Variants in CDHR2 observed in about 807,000 individuals in gnomAD.
The protein encoded by CDHR2 is cadherin related family member 2, also known as cadherin-related family member 2.
Under a neutral mutation model 138.6 loss-of-function variants are expected in CDHR2, and 104 were observed. The observed-to-expected ratio is 0.75, with a 90% confidence interval of 0.64 to 0.88. CDHR2 has a LOEUF of 0.88. Among genes scored for constraint, CDHR2 ranks in the 40% least tolerant of loss-of-function variants. The pLI, the probability that CDHR2 is intolerant of heterozygous loss-of-function variation, is 0.00. For missense variants in CDHR2, 1,624 were observed against 1,727.6 expected (o/e 0.94, Z 1.06); for synonymous variants, 755 against 742.8 (o/e 1.02, Z -0.27).
chr5:176,592,482 ATGGTGATGGTGG>A (rs1250511050), intron 30 of CDHR2, among the ~76,000 whole-genome samples: 2 of 130,196 alleles, frequency 1.5e-5, no homozygotes, highest in Non-Finnish European at 3.3e-5. Flanking sequence ...TGTTGAGGTG[ATGGTGATGGTGG>A]TGGTGATAGT....
At position 176,576,454 on chromosome 5, in the gene CDHR2, G is replaced by A. The variant is rs1758385016; in HGVS notation, c.1194+269G>A. On this transcript the variant is annotated intron_variant, in intron 12 of 31. Coordinates refer to ENST00000261944, the MANE Select transcript of CDHR2 (RefSeq NM_017675.6). This position sits in a 1 kb window ranked among gnomAD's most constrained non-coding sequence, Gnocchi z 4.5. ...GATGCTGAGTAGAACATCATTGTCCGTGGTGATGGGTGGCTGGCGAGGTCT... is the reference window on the plus strand; with the variant it reads ...GATGCTGAGTAGAACATCATTGTCCATGGTGATGGGTGGCTGGCGAGGTCT... 6.6e-6 allele frequency among the ~76,000 whole-genome samples: 1 copy of A among 152,116 alleles called. No homozygotes were observed. The highest frequency in any genetic ancestry group is 2.4e-5 in the African/African-American group (1 of 41,402).
rs769245179 is a variant in CDHR2 at position 176,577,716 on chromosome 5, G to A, written c.1430G>A (p.Arg477Lys). Residue 477 changes from arginine (R) to lysine (K), a missense_variant, in exon 14 of 32, where the codon AGG becomes AAG. Physicochemically the swap from Arg to Lys is conservative, Grantham distance 26. Coordinates refer to ENST00000261944, the MANE Select transcript of CDHR2 (RefSeq NM_017675.6). The part of the protein sequence containing the change: ...TIHLRDINDH[R>K]PTFPQSLYVL... ...CACCTTAGAGACATTAATGACCACA[G>A]GCCCACGTTTCCCCAGAGCTTGTAC... 6 of 1,614,224 alleles carry A rather than the reference G, an allele frequency of 3.7e-6. No individual in the cohort carries two copies. Among genetic ancestry groups the A allele is most frequent in the Non-Finnish European group, 5.1e-6 (6 of 1,180,038 alleles).
At chr5:176,570,904 T>G (rs1758210447) in intron 5 of CDHR2, among the ~76,000 whole-genome samples, 1 of 149,438 alleles carries the variant, frequency 6.7e-6, no homozygotes, top group Non-Finnish European at 1.5e-5. Flanking sequence ...TGAGATGAGA[T>G]CACGCCATTG....
rs1758601516 is a variant in CDHR2, at chr5:176,584,420, G to T, written c.2139G>T (p.Val713=). 14 of 1,598,030 alleles carry T rather than the reference G, an allele frequency of 8.8e-6. No homozygotes were observed. Among genetic ancestry groups the T allele is most frequent in the Admixed American group, 1.7e-5 (1 of 59,428 alleles). Reference sequence around the variant, plus strand: ...GCCCCTTGTCCACAGGAGTGCTAGTGGGCGTGGTGAAGGCCTGGGACGCGG... The same window carrying T: ...GCCCCTTGTCCACAGGAGTGCTAGTTGGCGTGGTGAAGGCCTGGGACGCGG... ...TVKEEDPGVL[V]GVVKAWDADQ... is the part of the protein sequence containing the mutation. The change falls in exon 19 of 32, where the codon GTG becomes GTT. Residue 713 remains valine (V), a synonymous_variant. Transcript: ENST00000261944.
intron 3 of CDHR2, 58 bp from the exon 4 acceptor site, chr5:176,568,619 GC>G (rs1480005920): frequency 1.3e-6 from 2 of 1,590,376 alleles, no homozygotes; most frequent in East Asian, 4.5e-5. Flanking sequence ...AGCCAGCTTG[GC>G]CAGACCAGCA....
At chr5:176,571,566 T>G (rs2113289930) in intron 6 of CDHR2, among the ~76,000 whole-genome samples, 1 of 151,726 alleles carries the variant, frequency 6.6e-6, no homozygotes, top group African/African-American at 2.4e-5. Context: ...AGACGGAGTC[T>G]CACTCTGTTG....
At chr5:176,592,292 GTGGTGA>G (rs1446133068) in intron 30 of CDHR2, among the ~76,000 whole-genome samples, 1 of 145,880 alleles carries the variant, frequency 6.9e-6, no homozygotes, top group Non-Finnish European at 1.5e-5. Flanking sequence ...GATGGTGATG[GTGGTGA>G]TGGTGATGGT....
At chr5:176,549,065 C>T (rs918171722), upstream of CDHR2, among the ~76,000 whole-genome samples, 2 of 152,300 alleles carry the variant, frequency 1.3e-5, no homozygotes, top group African/African-American at 4.8e-5. Flanking sequence ...TGACTGTCAC[C>T]GTCCCCGCCT....
chr5:176,584,814 C>T lies in CDHR2; in HGVS notation c.2533C>T (p.Gln845Ter). 6.2e-7 allele frequency: 1 copy of T among 1,614,192 alleles called. No individual in the cohort carries two copies. The highest frequency in any genetic ancestry group is 8.5e-7 in the Non-Finnish European group (1 of 1,180,030). ...DVDTSAQLEI[Q>*]LVNILCTKAG... ...GGACACCAGTGCCCAGCTGGAGATA[C>T]AGCTTGTGAACATTCTCTGCACCAA... is the stretch of plus-strand genomic sequence containing the variant. The change falls in exon 19 of 32, where the codon CAG (glutamine) becomes TAG (stop). Residue 845 changes from glutamine to a stop codon, truncating the protein, a stop_gained. Coordinates refer to ENST00000261944, the MANE Select transcript of CDHR2 (RefSeq NM_017675.6). LOFTEE classifies it high-confidence loss of function.
At chr5:176,548,615 C>T (rs751580461), upstream of CDHR2, among the ~76,000 whole-genome samples, 9 of 152,278 alleles carry the variant, frequency 5.9e-5, no homozygotes, top group Non-Finnish European at 1.3e-4. Context: ...TGGAGGCCCA[C>T]GCCTGTAATC....
At chr5:176,572,869 C>T (rs551020372) in intron 6 of CDHR2, among the ~76,000 whole-genome samples, 2 of 152,340 alleles carry the variant, frequency 1.3e-5, no homozygotes, top group East Asian at 1.9e-4. Context: ...TTGCTACTCT[C>T]AGCAGCTCAC....
rs377337438 is a variant in CDHR2 at position 176,575,275 on chromosome 5, C to T, written c.622-5C>T. 6.3e-5 allele frequency: 101 copies of T among 1,614,188 alleles called. No individual in the cohort carries two copies. The East Asian group carries it at 1.1e-3, about 17-fold the overall frequency. The stretch of plus-strand genomic sequence containing the variant: ...GCTGGCTCACGGGTGGCCATCTCCC[C>T]GCAGGACTTGGGCGGCATGTACCAC... On this transcript the variant is annotated splice_polypyrimidine_tract_variant and splice_region_variant and intron_variant, in intron 8 of 31. Coordinates refer to ENST00000261944, the MANE Select transcript of CDHR2 (RefSeq NM_017675.6).
intron 21 of CDHR2, among the ~76,000 whole-genome samples, chr5:176,587,387 G>A (rs970648161): frequency 2.6e-5 from 4 of 152,186 alleles, no homozygotes; most frequent in African/African-American, 9.7e-5. Flanking sequence ...GGCGGAGGTT[G>A]CGGTGAGTCG....
At chr5:176,568,119 G>A (rs1202582161) in intron 3 of CDHR2, among the ~76,000 whole-genome samples, 1 of 152,226 alleles carries the variant, frequency 6.6e-6, no homozygotes, top group Admixed American at 6.5e-5. Context: ...GAGGCTGGAT[G>A]GGTAAAGGAG....
intron 16 of CDHR2, among the ~76,000 whole-genome samples, chr5:176,579,555 G>C (rs1758478791): frequency 6.6e-6 from 1 of 152,132 alleles, no homozygotes; most frequent in Non-Finnish European, 1.5e-5. Flanking sequence ...GTGGTGCCCA[G>C]CATGAGCCCC....
rs1758661064 is a variant in CDHR2, at chr5:176,586,157, C to T, written c.2806+132C>T. Reference sequence around the variant, plus strand: ...GGAAGGCCTCTAATCCTGCATCTTCCTAGGGCTGCAATAGGAGAGGACATT... The same window carrying T: ...GGAAGGCCTCTAATCCTGCATCTTCTTAGGGCTGCAATAGGAGAGGACATT... On this transcript the variant is annotated intron_variant, in intron 20 of 31. Transcript: ENST00000261944. 4.4e-6 allele frequency: 3 copies of T among 680,998 alleles called. No individual in the cohort carries two copies. In the East Asian group the frequency reaches 7.7e-5, roughly 18 times the overall value. The allele number at this position is 680,998 out of a possible 1,614,324, so 42.2% of individuals were successfully genotyped here.
At chr5:176,570,983 C>T (rs1758213616) in intron 5 of CDHR2, among the ~76,000 whole-genome samples, 2 of 115,870 alleles carry the variant, frequency 1.7e-5, no homozygotes, top group Non-Finnish European at 3.4e-5. Context: ...ATGATGCCTG[C>T]AACTTACTTT....
Position 176,590,329 on chromosome 5 carries a change from G to A in CDHR2, c.3352G>A (p.Val1118Met). 1 of 1,614,194 alleles carries A rather than the reference G, an allele frequency of 6.2e-7. No individual in the cohort carries two copies. Among genetic ancestry groups the A allele is most frequent in the Non-Finnish European group, 8.5e-7 (1 of 1,180,038 alleles). ...GSALTLDELS[V>M]MIRNDQDSLT... ...AGCCCTGACCCTTGATGAGCTGAGT[G>A]TGTGAGTGGGGCTGCCCTTGGGGCA... Residue 1118 changes from valine to methionine, a missense_variant and splice_region_variant, in exon 26 of 32, where the codon GTG (valine) becomes ATG (methionine). Physicochemically the swap from Val to Met is conservative, Grantham distance 21 (BLOSUM62 1). Around this residue, in one of 3 missense-constraint regions of CDHR2, gnomAD observed 556 missense variants for 565.7 expected, o/e 0.98. Transcript: ENST00000261944.
chr5:176,566,859 G>A (rs980235969), intron 3 of CDHR2: 2 of 446,972 alleles, frequency 4.5e-6, no homozygotes, highest in African/African-American at 4.0e-5. Flanking sequence ...GGTTGGCCGT[G>A]TGCCTAGCTC....
Sources: gnomAD v4.1 joint callset for allele counts (sites outside exome capture counted in the v4.1 genomes callset) on GRCh38, gnomAD v4.1.1 for gene constraint, gnomAD v4.1.1 regional missense constraint, Gnocchi (gnomAD v3.1) non-coding constraint, MANE v1.5 for transcripts, NCBI Gene and HGNC (gene_info 2026-07-23, HGNC 2026-07-21) for gene names.